The following TMTC1 variants were observed in gnomAD, a reference collection of about 807,000 sequenced individuals.
The protein encoded by TMTC1 is transmembrane O-mannosyltransferase targeting cadherins 1.
TMTC1 carries 73 observed loss-of-function variants against 104.8 expected under a neutral mutation model. That is an observed-to-expected ratio of 0.70 (90% CI 0.58 to 0.85). TMTC1 has a LOEUF of 0.85. Among genes scored for constraint, TMTC1 ranks in the 40% least tolerant of loss-of-function variants. The pLI, the probability that TMTC1 is intolerant of heterozygous loss-of-function variation, is 0.00. For missense variants in TMTC1, 1,035 were observed against 1,096.1 expected (o/e 0.94, Z 0.79); for synonymous variants, 434 against 428.7 (o/e 1.01, Z -0.15).
chr12:29,635,853 G>A (rs1322043251), intron 5 of TMTC1, among the ~76,000 whole-genome samples: 1 of 152,232 alleles, frequency 6.6e-6, no homozygotes, highest in Admixed American at 6.5e-5. Context: ...ATTATGGGAA[G>A]AGAAGGAGGG....
At chr12:29,742,681 T>G (rs565558603) in intron 5 of TMTC1, among the ~76,000 whole-genome samples, 13 of 152,198 alleles carry the variant, frequency 8.5e-5, no homozygotes, top group Non-Finnish European at 1.3e-4. Flanking sequence ...CAGCTGTTAG[T>G]CTCAGAAACT....
chr12:29,593,078 T>A (rs373676326), intron 7 of TMTC1, among the ~76,000 whole-genome samples: 58 of 152,226 alleles, frequency 3.8e-4, no homozygotes, highest in African/African-American at 1.3e-3. Flanking sequence ...AGTCTGGAAA[T>A]GGGTCAAGAG....
intron 5 of TMTC1, among the ~76,000 whole-genome samples, chr12:29,659,415 C>T (rs1391098931): frequency 1.3e-5 from 2 of 152,102 alleles, no homozygotes; most frequent in Non-Finnish European, 1.5e-5. Context: ...CAGCCATTTG[C>T]TAAAAAGGAA....
rs1444990930 is a variant in TMTC1, at chr12:29,783,807, C to A, written c.-56G>T. Reference sequence around the variant, plus strand: ...TCTCCCGGGCGTCTGGCATCCTCCCCTACCGGGGCCCCGGCGGCGCGCGGC... The same window carrying A: ...TCTCCCGGGCGTCTGGCATCCTCCCATACCGGGGCCCCGGCGGCGCGCGGC... On this transcript the variant is annotated 5_prime_UTR_variant, in exon 1 of 18. In the 5' UTR this introduces an upstream ATG that the reference lacks. Transcript: ENST00000539277. The surrounding 1 kb of genome is among the most constrained non-coding windows in gnomAD (Gnocchi z 4.7). 1 of 1,119,480 alleles carries A rather than the reference C, an allele frequency of 8.9e-7. No individual in the cohort carries two copies. Among genetic ancestry groups the A allele is most frequent in the South Asian group, 4.3e-5 (1 of 23,110 alleles). 69.3% of individuals were successfully genotyped at this position (1,119,480 alleles called of 1,614,324 possible).
chr12:29,643,821 T>A (rs1195626509), intron 5 of TMTC1, among the ~76,000 whole-genome samples: 5 of 75,624 alleles, frequency 6.6e-5, no homozygotes, highest in African/African-American at 2.6e-4. Context: ...TTATATATAT[T>A]TATATATTTA....
intron 5 of TMTC1, among the ~76,000 whole-genome samples, chr12:29,643,527 A>T (rs1257335352): frequency 5.7e-5 from 3 of 53,094 alleles, no homozygotes; most frequent in Admixed American, 2.6e-4. Context: ...ATATAATATA[A>T]AATATATAAT....
At chr12:29,580,891 T>C (rs1945961231) in intron 8 of TMTC1, among the ~76,000 whole-genome samples, 1 of 152,168 alleles carries the variant, frequency 6.6e-6, no homozygotes, top group Admixed American at 6.6e-5. Flanking sequence ...CCAGCTCCTC[T>C]ATGCACATTC....
chr12:29,643,813 ATATATATT>A (rs1461271124), intron 5 of TMTC1, among the ~76,000 whole-genome samples: 12 of 76,034 alleles, frequency 1.6e-4, no homozygotes, highest in East Asian at 6.7e-4. Flanking sequence ...TTATATATTT[ATATATATT>A]TATATATTTA....
chr12:29,695,293 A>G (rs1941383739), intron 5 of TMTC1, among the ~76,000 whole-genome samples: 1 of 152,106 alleles, frequency 6.6e-6, no homozygotes, highest in Non-Finnish European at 1.5e-5. Flanking sequence ...AAATGAGGTC[A>G]CATCCACAGG....
intron 7 of TMTC1, among the ~76,000 whole-genome samples, chr12:29,603,182 C>T (rs1056080786): frequency 1.3e-5 from 2 of 152,070 alleles, no homozygotes; most frequent in East Asian, 3.9e-4. Flanking sequence ...TTCCCCTTAA[C>T]CAAGTCAAAA....
intron 5 of TMTC1, among the ~76,000 whole-genome samples, chr12:29,695,547 T>C (rs9634107): frequency 0.22 from 34,020 of 151,656 alleles, 4,100 homozygotes; most frequent in East Asian, 0.37. Context: ...CCTTGTGATC[T>C]GGCCGCCTCA....
rs549149897 is a variant in TMTC1 at position 29,778,692 on chromosome 12, T to C, written c.302+4758A>G. Among the ~76,000 whole-genome samples, 4 of 152,372 alleles carry C rather than the reference T, an allele frequency of 2.6e-5. No homozygotes were observed. In the South Asian group the frequency reaches 8.3e-4, roughly 32 times the overall value. On this transcript the variant is annotated intron_variant, in intron 1 of 17. Transcript: ENST00000539277. The stretch of plus-strand genomic sequence containing the variant: ...AGATTTGACTGGAAACAGAAATTCA[T>C]TGTAATTCTAAATTCACTTCAAGGA...
At chr12:29,685,262 C>T (rs74236395) in intron 5 of TMTC1, among the ~76,000 whole-genome samples, 21,231 of 151,714 alleles carry the variant, frequency 0.14, 1,778 homozygotes, top group East Asian at 0.35. Flanking sequence ...ACAGTCTACA[C>T]GTAAGAATTC....
chr12:29,675,520 T>C (rs1940689808), intron 5 of TMTC1, among the ~76,000 whole-genome samples: 1 of 151,740 alleles, frequency 6.6e-6, no homozygotes, highest in Non-Finnish European at 1.5e-5. Flanking sequence ...TAGAATAAAC[T>C]GCTAAGGAGT....
intron 6 of TMTC1, among the ~76,000 whole-genome samples, chr12:29,622,344 A>C (rs1167824727): frequency 6.6e-6 from 1 of 152,228 alleles, no homozygotes; most frequent in Admixed American, 6.5e-5. Context: ...TCTGTAATGC[A>C]GGGAAACCAC....
intron 5 of TMTC1, among the ~76,000 whole-genome samples, chr12:29,660,522 CTT>C (rs1210272533): frequency 6.6e-6 from 1 of 152,164 alleles, no homozygotes; most frequent in Non-Finnish European, 1.5e-5. Context: ...ACTGCCTCCT[CTT>C]GAGACAACTC....
chr12:29,641,129 C>A (rs1158984112), intron 5 of TMTC1: 1 of 152,206 alleles, frequency 6.6e-6, no homozygotes, highest in African/African-American at 2.4e-5. Context: ...CCCAGCCCTA[C>A]CCCCACCTGA....
chr12:29,707,802 C>T (rs903598543), intron 5 of TMTC1, among the ~76,000 whole-genome samples: 1 of 152,178 alleles, frequency 6.6e-6, no homozygotes, highest in Non-Finnish European at 1.5e-5. Context: ...TACCTGTCCA[C>T]ATTTTTCACC....
chr12:29,598,642 T>C (rs1047871634), intron 7 of TMTC1, among the ~76,000 whole-genome samples: 1 of 152,232 alleles, frequency 6.6e-6, no homozygotes, highest in African/African-American at 2.4e-5. Flanking sequence ...TAGCTTTCAG[T>C]GTAGAGATCT....
Sources: gnomAD v4.1 joint callset for allele counts (sites outside exome capture counted in the v4.1 genomes callset) on GRCh38, gnomAD v4.1.1 for gene constraint, Gnocchi (gnomAD v3.1) non-coding constraint, MANE v1.5 for transcripts, NCBI Gene and HGNC (gene_info 2026-07-23, HGNC 2026-07-21) for gene names.